Variants in ZMAT4 observed in about 807,000 individuals in gnomAD.
The protein encoded by ZMAT4 is zinc finger matrin-type protein 4.
ZMAT4 carries 17 observed loss-of-function variants against 28.7 expected under a neutral mutation model. That is an observed-to-expected ratio of 0.59 (90% CI 0.41 to 0.89). The LOEUF is 0.89. ZMAT4 is among the 40% of genes least tolerant of loss of function. The pLI is 0.00. For synonymous variants in ZMAT4, 117 were observed against 109.2 expected (o/e 1.07, Z -0.44); for missense variants, 240 against 283.8 (o/e 0.85, Z 1.11).
At chr8:40,628,249 C>T (rs963589553) in intron 5 of ZMAT4, among the ~76,000 whole-genome samples, 19 of 151,938 alleles carry the variant, frequency 1.3e-4, no homozygotes, top group African/African-American at 4.6e-4. Flanking sequence ...GATGTCTAGG[C>T]TAAATAAGAA....
intron 2 of ZMAT4, among the ~76,000 whole-genome samples, chr8:40,793,908 A>G (rs995530528): frequency 3.3e-5 from 5 of 152,128 alleles, no homozygotes; most frequent in African/African-American, 1.2e-4. Flanking sequence ...TCTGCCCCAG[A>G]TCTGTACACT....
intron 1 of ZMAT4, among the ~76,000 whole-genome samples, chr8:40,879,192 C>T (rs917213205): frequency 3.3e-5 from 5 of 152,154 alleles, no homozygotes; most frequent in African/African-American, 1.2e-4. Flanking sequence ...GAGGCCAAGA[C>T]AGGAGGATCA....
intron 3 of ZMAT4, among the ~76,000 whole-genome samples, chr8:40,750,612 G>A (rs562247926): frequency 6.6e-6 from 1 of 152,264 alleles, no homozygotes; most frequent in South Asian, 2.1e-4. Flanking sequence ...TGTTTTGTGG[G>A]ACTCTAGCAT....
chr8:40,558,260 T>C (rs1803612269), intron 6 of ZMAT4, among the ~76,000 whole-genome samples: 1 of 152,084 alleles, frequency 6.6e-6, no homozygotes, highest in African/African-American at 2.4e-5. Flanking sequence ...TGGGAAGCTG[T>C]CAGTGGATTG....
chr8:40,717,880 G>A (rs1156708920), intron 3 of ZMAT4, among the ~76,000 whole-genome samples: 1 of 135,914 alleles, frequency 7.4e-6, no homozygotes, highest in African/African-American at 2.9e-5. Context: ...TTTGCAGAAA[G>A]TACAGTAAGT....
chr8:40,798,995 G>A (rs1189007258), intron 2 of ZMAT4, among the ~76,000 whole-genome samples: 1 of 152,178 alleles, frequency 6.6e-6, no homozygotes, highest in African/African-American at 2.4e-5. Flanking sequence ...CTCTTGCTGT[G>A]TCTGTCTGTG....
At chr8:40,734,207 G>A (rs973357615) in intron 3 of ZMAT4, among the ~76,000 whole-genome samples, 2 of 152,222 alleles carry the variant, frequency 1.3e-5, no homozygotes, top group Admixed American at 6.5e-5. Context: ...TCTTACTTAC[G>A]AAATATTGCT....
At chr8:40,810,968 T>C (rs558278747) in intron 2 of ZMAT4, among the ~76,000 whole-genome samples, 60 of 152,268 alleles carry the variant, frequency 3.9e-4, no homozygotes, top group South Asian at 3.3e-3. Context: ...AAAATAACAA[T>C]AATATATATC....
intron 6 of ZMAT4, among the ~76,000 whole-genome samples, chr8:40,555,662 T>C (rs536579933): frequency 2.6e-5 from 4 of 152,312 alleles, no homozygotes; most frequent in African/African-American, 7.2e-5. Flanking sequence ...TCAGAGTCCA[T>C]ACTGTCTCTT....
Position 40,648,842 on chromosome 8 carries a change from A to C in ZMAT4, c.577+25862T>G, listed in dbSNP as rs755473657. Among the ~76,000 whole-genome samples, 100 of 133,290 alleles carry C rather than the reference A, an allele frequency of 7.5e-4. 1 individual carries two copies. The South Asian group carries it at 0.012, about 16-fold the overall frequency. 87.4% of individuals were successfully genotyped at this position (133,290 alleles called of 152,430 possible). Reference sequence around the variant, plus strand: ...CCAAACTAAGCTTCATAAGTGAAGGAGAAATAAAATACTTTACAGACAAGC... The same window carrying C: ...CCAAACTAAGCTTCATAAGTGAAGGCGAAATAAAATACTTTACAGACAAGC... On this transcript the variant is annotated intron_variant, in intron 5 of 6. Coordinates refer to ENST00000297737, the MANE Select transcript of ZMAT4 (RefSeq NM_024645.3).
intron 6 of ZMAT4, among the ~76,000 whole-genome samples, chr8:40,557,034 A>C (rs1803563411): frequency 6.6e-6 from 1 of 151,962 alleles, no homozygotes; most frequent in Non-Finnish European, 1.5e-5. Context: ...TCTACCCTCT[A>C]CCTCCATGAG....
chr8:40,863,140 C>T (rs1036055575), intron 1 of ZMAT4, among the ~76,000 whole-genome samples: 1 of 152,050 alleles, frequency 6.6e-6, no homozygotes, highest in African/African-American at 2.4e-5. Context: ...GTGAGCAAGC[C>T]ACGCAGCACC....
intron 1 of ZMAT4, among the ~76,000 whole-genome samples, chr8:40,861,792 T>G (rs1817502849): frequency 6.6e-6 from 1 of 152,150 alleles, no homozygotes; most frequent in South Asian, 2.1e-4. Flanking sequence ...AAGAAGACAT[T>G]TATGCAGCCA....
chr8:40,818,823 C>A (rs1231195973), intron 2 of ZMAT4, among the ~76,000 whole-genome samples: 2 of 152,084 alleles, frequency 1.3e-5, no homozygotes, highest in African/African-American at 4.8e-5. Flanking sequence ...TCATTTAGCC[C>A]GCATGCTTAC....
At chr8:40,677,235 G>T (rs1414749314) in intron 4 of ZMAT4, among the ~76,000 whole-genome samples, 2 of 151,704 alleles carry the variant, frequency 1.3e-5, no homozygotes, top group East Asian at 3.9e-4. Context: ...AAAGTAATTT[G>T]ATGTAGCTTC....
chr8:40,782,827 T>C (rs1406102901), intron 2 of ZMAT4, among the ~76,000 whole-genome samples: 1 of 152,194 alleles, frequency 6.6e-6, no homozygotes, highest in East Asian at 1.9e-4. Flanking sequence ...ATTGGTAAAA[T>C]ATTCACCATC....
At chr8:40,673,066 C>T (rs1380493125) in intron 5 of ZMAT4, among the ~76,000 whole-genome samples, 1 of 152,180 alleles carries the variant, frequency 6.6e-6, no homozygotes, top group Non-Finnish European at 1.5e-5. Context: ...TATACTTAGC[C>T]ATGGATCTCC....
At chr8:40,796,904 T>C (rs1265392685) in intron 2 of ZMAT4, among the ~76,000 whole-genome samples, 1 of 152,160 alleles carries the variant, frequency 6.6e-6, no homozygotes, top group Admixed American at 6.5e-5. Context: ...GCAGGATCCA[T>C]GCAGCACAAG....
chr8:40,668,468 C>CAAA (rs71224843), intron 5 of ZMAT4, among the ~76,000 whole-genome samples: 9 of 85,016 alleles, frequency 1.1e-4, no homozygotes, highest in African/African-American at 9.4e-5. Flanking sequence ...GACTTTGTCT[C>CAAA]AAAAAAAAAA....
Sources: allele counts gnomAD v4.1 joint callset (sites outside exome capture counted in the v4.1 genomes callset), GRCh38; gene constraint gnomAD v4.1.1; transcripts MANE v1.5; gene names NCBI Gene and HGNC (gene_info 2026-07-23, HGNC 2026-07-21).